Variants in ESRRB observed in about 807,000 individuals in gnomAD.
The protein encoded by ESRRB is estrogen related receptor beta.
A neutral mutation model predicts 46.0 loss-of-function variants in ESRRB; 16 were observed. The observed-to-expected ratio is 0.35, with a 90% CI of 0.24 to 0.53. The LOEUF is 0.53. Among genes scored for constraint, ESRRB ranks in the 20% least tolerant of loss-of-function variants. ESRRB has a pLI of 0.93. For synonymous variants in ESRRB, 246 were observed against 259.6 expected, an observed-to-expected ratio of 0.95 and a Z score of 0.50; for missense variants, 488 against 607.4, an observed-to-expected ratio of 0.80 and a Z score of 2.07.
At chr14:76,408,774 G>A (rs1286489269) in intron 1 of ESRRB, among the ~76,000 whole-genome samples, 1 of 152,060 alleles carries the variant, frequency 6.6e-6, no homozygotes, top group African/African-American at 2.4e-5. Context: ...TGAAGGAAAA[G>A]GAAAAGGCAT....
At chr14:76,446,616 C>T (rs914321148) in intron 2 of ESRRB, among the ~76,000 whole-genome samples, 5 of 152,184 alleles carry the variant, frequency 3.3e-5, no homozygotes, top group African/African-American at 1.2e-4. Flanking sequence ...AAAGCCACCA[C>T]TCCTAGGAAA....
intron 1 of ESRRB, among the ~76,000 whole-genome samples, chr14:76,353,199 C>G (rs547542995): frequency 3.3e-5 from 5 of 152,194 alleles, no homozygotes; most frequent in African/African-American, 1.2e-4. Flanking sequence ...GAGGGCAGCA[C>G]CCCCTTATCT....
At chr14:76,451,696 G>A (rs1037235421) in intron 2 of ESRRB, among the ~76,000 whole-genome samples, 9 of 151,982 alleles carry the variant, frequency 5.9e-5, no homozygotes, top group African/African-American at 1.9e-4. Context: ...GTGCAATCTC[G>A]GTTCACTGCA....
chr14:76,366,628 A>G (rs1884525428), upstream of ESRRB, among the ~76,000 whole-genome samples: 1 of 152,134 alleles, frequency 6.6e-6, no homozygotes, highest in Non-Finnish European at 1.5e-5. Context: ...TCGCCCCGGG[A>G]AGTAGCAGAC....
upstream of ESRRB, among the ~76,000 whole-genome samples, chr14:76,368,985 T>C (rs891852872): frequency 6.6e-6 from 1 of 151,898 alleles, no homozygotes; most frequent in Non-Finnish European, 1.5e-5. Flanking sequence ...TCACCTGAGG[T>C]AAGGAGTTTG....
chr14:76,439,783 G>A (rs1221733673), intron 2 of ESRRB, 33 bp downstream of exon 2: 1 of 1,606,516 alleles, frequency 6.2e-7, no homozygotes, highest in African/African-American at 1.3e-5. Context: ...CCTGGGCGCA[G>A]GGTTGGGGGT....
At chr14:76,321,768 T>C (rs1373270194) in intron 1 of ESRRB, among the ~76,000 whole-genome samples, 2 of 152,112 alleles carry the variant, frequency 1.3e-5, no homozygotes, top group Non-Finnish European at 2.9e-5. Flanking sequence ...GGTATTAAGA[T>C]TCTTCCCATT....
chr14:76,321,832 A>G (rs1883870591), intron 1 of ESRRB, among the ~76,000 whole-genome samples: 1 of 151,596 alleles, frequency 6.6e-6, no homozygotes, highest in Non-Finnish European at 1.5e-5. Context: ...GCTTGCAGTG[A>G]GCCGAGATTG....
chr14:76,392,556 G>T (rs1322585173), intron 1 of ESRRB, among the ~76,000 whole-genome samples: 1 of 152,134 alleles, frequency 6.6e-6, no homozygotes, highest in African/African-American at 2.4e-5. Flanking sequence ...AATTCCAGGG[G>T]CCCAGAAAAC....
intron 1 of ESRRB, among the ~76,000 whole-genome samples, chr14:76,419,698 T>G (rs1297548812): frequency 2.0e-5 from 3 of 152,154 alleles, no homozygotes; most frequent in Admixed American, 1.3e-4. Context: ...TCTATATTGA[T>G]CCTCACAATA....
At chr14:76,321,982 G>C (rs1241607329) in intron 1 of ESRRB, among the ~76,000 whole-genome samples, 1 of 152,138 alleles carries the variant, frequency 6.6e-6, no homozygotes, top group Non-Finnish European at 1.5e-5. Context: ...GCAGCAAATA[G>C]TACCATAGAA....
chr14:76,453,912 C>CT (rs2139969713), intron 2 of ESRRB, among the ~76,000 whole-genome samples: 1 of 152,226 alleles, frequency 6.6e-6, no homozygotes, highest in East Asian at 1.9e-4. Context: ...TCGGTGGATT[C>CT]TTTTTTCTTT....
At chr14:76,386,489 C>G (rs1203475277) in intron 1 of ESRRB, among the ~76,000 whole-genome samples, 1 of 139,644 alleles carries the variant, frequency 7.2e-6, no homozygotes, top group Non-Finnish European at 1.5e-5. Flanking sequence ...CAGAGTCTCA[C>G]TCTGTCACCC....
intron 1 of ESRRB, among the ~76,000 whole-genome samples, chr14:76,354,705 G>A (rs1884357426): frequency 1.0e-5 from 1 of 98,944 alleles, no homozygotes; most frequent in Admixed American, 1.1e-4. Flanking sequence ...TAGGTCCTGG[G>A]CTTTTTTTTT....
rs1354785760 is a variant in ESRRB, at chr14:76,499,509, C to A, written c.*1051C>A. ...GGAGCCCCAAAGGGAGGGAACTCAG[C>A]GGGGTGGCCTGCCTCATCCTTCCTG... On this transcript the variant is annotated 3_prime_UTR_variant, in exon 7 of 7. Transcript: ENST00000644823. 2.5e-6 allele frequency: 1 copy of A among 394,676 alleles called. No homozygotes were observed. The highest frequency in any genetic ancestry group is 2.1e-5 in the African/African-American group (1 of 48,536). The allele number at this position is 394,676 out of a possible 1,614,324, so 24.4% of individuals were successfully genotyped here. A position where few individuals can be genotyped will look rare whatever the true frequency, so the allele number is the denominator to read the frequency against.
At chr14:76,450,311 C>T (rs1205823414) in intron 2 of ESRRB, among the ~76,000 whole-genome samples, 1 of 152,078 alleles carries the variant, frequency 6.6e-6, no homozygotes, top group Non-Finnish European at 1.5e-5. Flanking sequence ...TGTCAGTGAG[C>T]AAAGGCAAAG....
chr14:76,460,562 G>C (rs1007253725), intron 2 of ESRRB, among the ~76,000 whole-genome samples: 2 of 152,218 alleles, frequency 1.3e-5, no homozygotes, highest in Non-Finnish European at 2.9e-5. Flanking sequence ...GGTGGGGCTG[G>C]AACGAGAGAT....
At chr14:76,319,667 A>G (rs895086407) in intron 1 of ESRRB, among the ~76,000 whole-genome samples, 1 of 152,214 alleles carries the variant, frequency 6.6e-6, no homozygotes, top group Non-Finnish European at 1.5e-5. Context: ...CTTTTAGCCC[A>G]GGGGAAAAGA....
At chr14:76,378,834 G>A (rs60345936) in intron 1 of ESRRB, among the ~76,000 whole-genome samples, 21,412 of 152,098 alleles carry the variant, frequency 0.14, 1,725 homozygotes, top group East Asian at 0.24. Flanking sequence ...AACAGAGCAG[G>A]GGACTGGATT....
Sources: gnomAD v4.1 joint callset for allele counts (sites outside exome capture counted in the v4.1 genomes callset) on GRCh38, gnomAD v4.1.1 for gene constraint, MANE v1.5 for transcripts, NCBI Gene and HGNC (gene_info 2026-07-23, HGNC 2026-07-21) for gene names.